Variants in TMEM132B observed in about 807,000 individuals in gnomAD.
TMEM132B encodes transmembrane protein 132B.
Under a neutral mutation model 90.8 loss-of-function variants are expected in TMEM132B, and 18 were observed. The observed-to-expected ratio is 0.20, with a 90% CI of 0.14 to 0.29. The LOEUF (loss-of-function observed/expected upper bound fraction) is 0.29. Ranked by LOEUF, TMEM132B falls within the 10% of genes least tolerant of loss-of-function variation. The pLI is 1.00. For missense variants in TMEM132B, 1,096 were observed against 1,326.8 expected, an observed-to-expected ratio of 0.83 and a Z score of 2.70; for synonymous variants, 504 against 523.3, an observed-to-expected ratio of 0.96 and a Z score of 0.50.
intron 1 of TMEM132B, among the ~76,000 whole-genome samples, chr12:125,260,376 T>G (rs1186358050): frequency 6.6e-6 from 1 of 152,226 alleles, no homozygotes; most frequent in Non-Finnish European, 1.5e-5. Context: ...TGTTTTTCTA[T>G]TTTTTAGAGA....
intron 2 of TMEM132B, among the ~76,000 whole-genome samples, chr12:125,385,318 G>C (rs935622053): frequency 3.3e-5 from 5 of 152,180 alleles, no homozygotes; most frequent in African/African-American, 4.8e-5. Flanking sequence ...AACTGTGTGA[G>C]AGTTGGATAT....
At position 125,350,349 on chromosome 12, in the gene TMEM132B, A is replaced by G; in HGVS notation, c.959+6A>G. ...GCAGACCAGTTCACTCTTAGGTAAG[A>G]GGCTTTGCCAGGTGGGATGGAACAG... On this transcript the variant is annotated splice_donor_region_variant and intron_variant, in intron 2 of 8. Coordinates refer to ENST00000682704, the MANE Select transcript of TMEM132B (RefSeq NM_001366854.1). 1 of 1,602,932 alleles carries G rather than the reference A, an allele frequency of 6.2e-7. No individual in the cohort carries two copies. The highest frequency in any genetic ancestry group is 8.5e-7 in the Non-Finnish European group (1 of 1,175,076).
At chr12:125,453,114 CAT>C (rs1555250501) in intron 3 of TMEM132B, among the ~76,000 whole-genome samples, 4 of 150,184 alleles carry the variant, frequency 2.7e-5, no homozygotes, top group African/African-American at 4.9e-5. Flanking sequence ...CACACACACA[CAT>C]AATCCAACAC....
At chr12:125,205,790 G>C (rs55833684) in intron 1 of TMEM132B, among the ~76,000 whole-genome samples, 1 of 152,236 alleles carries the variant, frequency 6.6e-6, no homozygotes, top group Non-Finnish European at 1.5e-5. Flanking sequence ...CACGTCCGTC[G>C]CATTTTACTC....
chr12:125,389,408 C>T (rs1566020689), intron 2 of TMEM132B, among the ~76,000 whole-genome samples: 1 of 134,994 alleles, frequency 7.4e-6, no homozygotes, highest in Non-Finnish European at 1.5e-5. Context: ...CCCTTCCTTT[C>T]TTCTTCCATC....
chr12:125,369,465 C>A (rs1428481246), intron 2 of TMEM132B, among the ~76,000 whole-genome samples: 1 of 151,978 alleles, frequency 6.6e-6, no homozygotes, highest in South Asian at 2.1e-4. Flanking sequence ...TAACTGAAGC[C>A]TTGGAAAGGA....
intron 3 of TMEM132B, among the ~76,000 whole-genome samples, chr12:125,448,320 G>T: frequency 6.6e-6 from 1 of 152,096 alleles, no homozygotes; most frequent in East Asian, 1.9e-4. Flanking sequence ...TCAACTAGAT[G>T]CAGAATAGTG....
At chr12:125,567,103 C>A (rs1361265503) in intron 4 of TMEM132B, among the ~76,000 whole-genome samples, 2 of 152,112 alleles carry the variant, frequency 1.3e-5, no homozygotes, top group South Asian at 2.1e-4. Flanking sequence ...CTTGGCCTCC[C>A]AAAGTGCTGG....
At chr12:125,593,447 G>T (rs950286069) in intron 5 of TMEM132B, among the ~76,000 whole-genome samples, 1 of 152,204 alleles carries the variant, frequency 6.6e-6, no homozygotes, top group Non-Finnish European at 1.5e-5. Flanking sequence ...CACCTGCCCA[G>T]TAAACATGGC....
chr12:125,435,002 G>A (rs371165745), intron 3 of TMEM132B, among the ~76,000 whole-genome samples: 3 of 152,142 alleles, frequency 2.0e-5, no homozygotes, highest in East Asian at 1.9e-4. Context: ...GGAAACCCTC[G>A]GGAAAATCCC....
chr12:125,593,106 A>G (rs1213715185), intron 5 of TMEM132B, among the ~76,000 whole-genome samples: 1 of 152,234 alleles, frequency 6.6e-6, no homozygotes, highest in African/African-American at 2.4e-5. Context: ...TCCTTTGCCC[A>G]TCACTGGGAG....
intron 4 of TMEM132B, among the ~76,000 whole-genome samples, chr12:125,581,059 G>A (rs1250478283): frequency 6.6e-6 from 1 of 152,186 alleles, no homozygotes; most frequent in African/African-American, 2.4e-5. Flanking sequence ...AGCTACCCAT[G>A]AAAAAGCTGA....
At chr12:125,542,777 A>T (rs1318791896) in intron 4 of TMEM132B, among the ~76,000 whole-genome samples, 1 of 152,232 alleles carries the variant, frequency 6.6e-6, no homozygotes, top group Non-Finnish European at 1.5e-5. Context: ...AGCTTCTATG[A>T]ATAACACTGC....
intron 1 of TMEM132B, among the ~76,000 whole-genome samples, chr12:125,254,126 C>CA (rs1163320358): frequency 1.3e-5 from 2 of 152,018 alleles, no homozygotes; most frequent in Admixed American, 6.6e-5. Flanking sequence ...CCCATCTCTA[C>CA]AAAAAATGCA....
At chr12:125,593,445 C>T (rs917408737) in intron 5 of TMEM132B, among the ~76,000 whole-genome samples, 1 of 152,198 alleles carries the variant, frequency 6.6e-6, no homozygotes, top group East Asian at 1.9e-4. Flanking sequence ...TCCACCTGCC[C>T]AGTAAACATG....
At chr12:125,353,216 C>T (rs1312062419) in intron 2 of TMEM132B, among the ~76,000 whole-genome samples, 1 of 145,214 alleles carries the variant, frequency 6.9e-6, no homozygotes, top group Non-Finnish European at 1.5e-5. Flanking sequence ...CAATCAACTG[C>T]AGCACTTCAG....
intron 1 of TMEM132B, among the ~76,000 whole-genome samples, chr12:125,231,893 C>A (rs921130281): frequency 5.9e-5 from 9 of 151,772 alleles, no homozygotes; most frequent in African/African-American, 1.5e-4. Context: ...GTCCCCCCCC[C>A]ACCAAAACTC....
intron 1 of TMEM132B, among the ~76,000 whole-genome samples, chr12:125,338,405 G>A (rs1300865913): frequency 1.3e-5 from 2 of 152,324 alleles, no homozygotes; most frequent in Non-Finnish European, 1.5e-5. Flanking sequence ...ACACTTGGAT[G>A]CCTGACATTT....
At chr12:125,552,872 G>A (rs1884270630) in intron 4 of TMEM132B, among the ~76,000 whole-genome samples, 1 of 152,258 alleles carries the variant, frequency 6.6e-6, no homozygotes, top group Non-Finnish European at 1.5e-5. Context: ...AGGGAGTCAG[G>A]AGAGCGGCAG....
Sources: allele counts gnomAD v4.1 joint callset (sites outside exome capture counted in the v4.1 genomes callset), GRCh38; gene constraint gnomAD v4.1.1; transcripts MANE v1.5; gene names NCBI Gene and HGNC (gene_info 2026-07-23, HGNC 2026-07-21).